Variants in SLC14A2 observed in about 807,000 individuals in gnomAD.
SLC14A2 encodes urea transporter 2.
In SLC14A2, 91 loss-of-function variants were observed where a neutral mutation model predicts 104.6. That is an observed-to-expected ratio of 0.87 (90% CI 0.73 to 1.04). SLC14A2 has a LOEUF of 1.04. Ranked by LOEUF, SLC14A2 falls within the 50% of genes least tolerant of loss-of-function variation. The pLI, the probability that SLC14A2 is intolerant of heterozygous loss-of-function variation, is 0.00. For synonymous variants in SLC14A2, 476 were observed against 466.4 expected (o/e 1.02, Z -0.27); for missense variants, 1,189 against 1,156.0 (o/e 1.03, Z -0.41).
intron 10 of SLC14A2, among the ~76,000 whole-genome samples, chr18:45,663,450 C>G (rs1567999586): frequency 6.6e-6 from 1 of 152,122 alleles, no homozygotes; most frequent in Non-Finnish European, 1.5e-5. Context: ...AGATGAAGTC[C>G]AAGACGCTGG....
At chr18:45,435,687 A>C (rs931630897) in intron 1 of SLC14A2, among the ~76,000 whole-genome samples, 1 of 152,222 alleles carries the variant, frequency 6.6e-6, no homozygotes, top group African/African-American at 2.4e-5. Flanking sequence ...GAGAAAGAGC[A>C]ATCCACTGGA....
chr18:45,539,290 C>A (rs982075687), intron 2 of SLC14A2, among the ~76,000 whole-genome samples: 2 of 152,104 alleles, frequency 1.3e-5, no homozygotes, highest in Non-Finnish European at 2.9e-5. Flanking sequence ...AGATGAACAC[C>A]AAGATCTTCT....
chr18:45,608,393 A>G (rs956920430), intron 2 of SLC14A2, among the ~76,000 whole-genome samples: 1 of 152,184 alleles, frequency 6.6e-6, no homozygotes, highest in East Asian at 1.9e-4. Context: ...GGCAGTTCTC[A>G]CCATCCCTGC....
intron 1 of SLC14A2, among the ~76,000 whole-genome samples, chr18:45,393,725 C>T (rs1283431896): frequency 1.3e-5 from 2 of 152,286 alleles, no homozygotes; most frequent in East Asian, 3.9e-4. Context: ...TCTTGGATAG[C>T]TCTGGCCTGC....
At chr18:45,268,043 C>T (rs1009011346) in intron 1 of SLC14A2, among the ~76,000 whole-genome samples, 4 of 152,054 alleles carry the variant, frequency 2.6e-5, no homozygotes, top group African/African-American at 9.7e-5. Context: ...AGCACTTGAC[C>T]GTAAAATGTT....
At chr18:45,310,225 T>C (rs1479111015) in intron 1 of SLC14A2, among the ~76,000 whole-genome samples, 1 of 152,208 alleles carries the variant, frequency 6.6e-6, no homozygotes, top group Non-Finnish European at 1.5e-5. Flanking sequence ...AACTGCAAGG[T>C]CATAAGGTAT....
At chr18:45,305,295 A>G (rs2085007846) in intron 1 of SLC14A2, among the ~76,000 whole-genome samples, 1 of 152,208 alleles carries the variant, frequency 6.6e-6, no homozygotes, top group Non-Finnish European at 1.5e-5. Flanking sequence ...AGTCAAACCA[A>G]TACAACTGTT....
chr18:45,597,019 A>T (rs1008991969), intron 2 of SLC14A2, among the ~76,000 whole-genome samples: 1 of 152,174 alleles, frequency 6.6e-6, no homozygotes, highest in Non-Finnish European at 1.5e-5. Flanking sequence ...AAAACCTCAG[A>T]CAAGTCTCCA....
intron 1 of SLC14A2, among the ~76,000 whole-genome samples, chr18:45,228,186 T>C (rs1464900686): frequency 6.6e-6 from 1 of 152,180 alleles, no homozygotes; most frequent in Non-Finnish European, 1.5e-5. Flanking sequence ...TATTACAACA[T>C]TTTCATGAAA....
chr18:45,418,080 T>C (rs527814369), intron 1 of SLC14A2, among the ~76,000 whole-genome samples: 1 of 152,318 alleles, frequency 6.6e-6, no homozygotes, highest in South Asian at 2.1e-4. Flanking sequence ...TTTTTGTTGC[T>C]TTTCCTTTGA....
chr18:45,508,945 A>G (rs1384300552), intron 2 of SLC14A2, among the ~76,000 whole-genome samples: 2 of 152,208 alleles, frequency 1.3e-5, no homozygotes, highest in Non-Finnish European at 2.9e-5. Flanking sequence ...AGTTGATTTC[A>G]TGGATAACAA....
chr18:45,548,402 G>C (rs1036513589), intron 2 of SLC14A2, among the ~76,000 whole-genome samples: 17 of 152,194 alleles, frequency 1.1e-4, no homozygotes, highest in African/African-American at 3.6e-4. Context: ...AGAGGAACTT[G>C]ATTAAATAAT....
intron 2 of SLC14A2, among the ~76,000 whole-genome samples, chr18:45,533,903 AATGACTAAAT>A (rs1283614773): frequency 6.6e-6 from 1 of 152,092 alleles, no homozygotes; most frequent in African/African-American, 2.4e-5. Context: ...CACCTTTTCT[AATGACTAAAT>A]CTGGCTCAGT....
intron 1 of SLC14A2, among the ~76,000 whole-genome samples, chr18:45,393,752 A>G (rs1598750914): frequency 6.6e-6 from 1 of 152,164 alleles, no homozygotes; most frequent in African/African-American, 2.4e-5. Flanking sequence ...GGCTGGATGC[A>G]CAACAATTAC....
intron 1 of SLC14A2, chr18:45,447,542 G>C (rs1164712090): frequency 6.6e-6 from 1 of 152,138 alleles, no homozygotes; most frequent in Non-Finnish European, 1.5e-5. Context: ...CCTATCAGTC[G>C]ACCATCTGTA....
intron 2 of SLC14A2, among the ~76,000 whole-genome samples, chr18:45,563,940 T>A (rs1049048853): frequency 1.3e-5 from 2 of 152,218 alleles, no homozygotes; most frequent in African/African-American, 4.8e-5. Context: ...TTCAGGGCAT[T>A]TTTTCTTTCA....
At chr18:45,637,298 G>C (rs16978432) in intron 6 of SLC14A2, 116 bp downstream of exon 6, 30,089 of 766,306 alleles carry the variant, frequency 0.039, 901 homozygotes, top group African/African-American at 0.13. Flanking sequence ...TATACCAGAT[G>C]ATGGGCCTCA....
At chr18:45,298,301 C>T (rs907753140) in intron 1 of SLC14A2, among the ~76,000 whole-genome samples, 4 of 152,080 alleles carry the variant, frequency 2.6e-5, no homozygotes, top group African/African-American at 7.2e-5. Context: ...GGTGTGTTGC[C>T]GTTACTTAGA....
chr18:45,371,590 G>T (rs1008028775), intron 1 of SLC14A2, among the ~76,000 whole-genome samples: 3 of 152,074 alleles, frequency 2.0e-5, no homozygotes, highest in Non-Finnish European at 4.4e-5. Flanking sequence ...ACATATAAAG[G>T]CAGAGCCTGT....
Sources: allele counts gnomAD v4.1 joint callset (sites outside exome capture counted in the v4.1 genomes callset), GRCh38; gene constraint gnomAD v4.1.1; transcripts MANE v1.5; gene names NCBI Gene and HGNC (gene_info 2026-07-23, HGNC 2026-07-21).